The following PRDM13 variants were observed in gnomAD, a reference collection of about 807,000 sequenced individuals.
PRDM13 encodes the protein PR/SET domain 13, also known as PR domain zinc finger protein 13.
Under a neutral mutation model 36.4 loss-of-function variants are expected in PRDM13, and 15 were observed. The ratio of observed to expected loss-of-function variants is 0.41; its 90% CI spans 0.28 to 0.64. PRDM13 has a LOEUF of 0.64. Ranked by LOEUF, PRDM13 falls within the 30% of genes least tolerant of loss-of-function variation. PRDM13 has a pLI of 0.29. For missense variants in PRDM13, 1,044 were observed against 1,013.5 expected (o/e 1.03, Z -0.41); for synonymous variants, 531 against 467.7 (o/e 1.14, Z -1.75).
rs527422659 is a variant in PRDM13, at chr6:99,613,509, C to A, written c.874C>A (p.Arg292Ser). ...CAGCCTGGCTTTCTACCCCGGCGTGCGCTCAGCTTTCAAGCCCGCCGGCCT... is the reference window on the plus strand; with the variant it reads ...CAGCCTGGCTTTCTACCCCGGCGTGAGCTCAGCTTTCAAGCCCGCCGGCCT... Reference protein sequence around the residue: ...VGSLAFYPGVRSAFKPAGLAR... With the variant: ...VGSLAFYPGVSSAFKPAGLAR... The change falls in exon 4 of 4, where the codon CGC (arginine) becomes AGC (serine). Residue 292 changes from arginine to serine, a missense_variant. This residue lies in a region of PRDM13 where 921 missense variants were observed against 865.2 expected (regional missense o/e 1.06). Coordinates refer to ENST00000369215, the MANE Select transcript of PRDM13 (RefSeq NM_021620.4). The surrounding 1 kb of genome is among the most constrained non-coding windows in gnomAD (Gnocchi z 6.1). 2 of 1,513,918 alleles carry A rather than the reference C, an allele frequency of 1.3e-6. No homozygotes were observed. The highest frequency in any genetic ancestry group is 2.5e-5 in the South Asian group (2 of 81,192). The allele number at this position is 1,513,918 out of a possible 1,614,324, so 93.8% of individuals were successfully genotyped here. A position where few individuals can be genotyped will look rare whatever the true frequency, so the allele number is the denominator to read the frequency against.
In PRDM13 at chr6:99,608,870, C is replaced by A; in HGVS notation, c.274C>A (p.Gln92Lys). The A allele has an allele frequency of 6.2e-7, 1 of 1,612,168 alleles. No homozygotes were observed. ...AGCTATTGCAGACTTACCCGGAGGA[C>A]AGGTACTGCGGGCTTCTCTCCACAC... ...LEAIADLPGGQIFYRALRDVQ... is the reference protein window; with the variant it reads ...LEAIADLPGGKIFYRALRDVQ... Residue 92 changes from glutamine (Q) to lysine (K), a missense_variant and splice_region_variant, in exon 2 of 4, where the codon CAG (glutamine) becomes AAG (lysine). Transcript: ENST00000369215.
chr6:99,608,313 T>G (rs1309067845), intron 1 of PRDM13, among the ~76,000 whole-genome samples: 2 of 152,006 alleles, frequency 1.3e-5, no homozygotes, highest in East Asian at 1.9e-4. Context: ...ACAGGAGGCA[T>G]GAGATAATTT....
Position 99,613,235 on chromosome 6 carries a change from C to T in PRDM13, c.600C>T (p.Ala200=), listed in dbSNP as rs772713153. The change falls in exon 4 of 4, where the codon GCC becomes GCT. Residue 200 remains alanine, a synonymous_variant. Coordinates refer to ENST00000369215, the MANE Select transcript of PRDM13 (RefSeq NM_021620.4). The surrounding 1 kb of genome is among the most constrained non-coding windows in gnomAD (Gnocchi z 6.1). The part of the protein sequence containing the change: ...LSPKPPAPDF[A]APSQAGTLRP... ...CAAAACCCCCGGCGCCCGATTTCGC[C>T]GCGCCTTCCCAGGCAGGAACTTTGC... 4.3e-6 allele frequency: 7 copies of T among 1,610,902 alleles called. No homozygotes were observed. The highest frequency in any genetic ancestry group is 1.3e-5 in the African/African-American group (1 of 75,010).
intron 3 of PRDM13, among the ~76,000 whole-genome samples, chr6:99,610,586 A>C (rs1770016502): frequency 6.6e-6 from 1 of 152,256 alleles, no homozygotes; most frequent in Admixed American, 6.5e-5. Flanking sequence ...AATCACTTTA[A>C]AGTATCATCG....
At chr6:99,607,202 C>T in intron 1 of PRDM13, 24 bp downstream of exon 1, 1 of 1,611,088 alleles carries the variant, frequency 6.2e-7, no homozygotes, top group Non-Finnish European at 8.5e-7. Flanking sequence ...AGACCTCTGC[C>T]CACTGCCATT....
Position 99,611,720 on chromosome 6 carries a change from A to G in PRDM13, c.398-1313A>G, listed in dbSNP as rs1269802743. Among the ~76,000 whole-genome samples the G allele has an allele frequency of 2.0e-5, 3 of 152,332 alleles. No homozygotes were observed. The East Asian group carries it at 5.8e-4, about 29-fold the overall frequency. On this transcript the variant is annotated intron_variant, in intron 3 of 3. Coordinates refer to ENST00000369215, the MANE Select transcript of PRDM13 (RefSeq NM_021620.4). ...AATTCTTCCCTATTGTTATTTCTGTAGTAATATTTCAGAAGTTTGAGCTGC... is the reference window on the plus strand; with the variant it reads ...AATTCTTCCCTATTGTTATTTCTGTGGTAATATTTCAGAAGTTTGAGCTGC...
chr6:99,607,372 A>G (rs1453589421), intron 1 of PRDM13, among the ~76,000 whole-genome samples, 194 bp downstream of exon 1: 1 of 152,044 alleles, frequency 6.6e-6, no homozygotes, highest in Non-Finnish European at 1.5e-5. Context: ...TCGGGCTGAG[A>G]GGAGAGGATG....
chr6:99,614,659 A>G lies in PRDM13; in HGVS notation c.2024A>G (p.Glu675Gly). Residue 675 changes from glutamate (E) to glycine (G), a missense_variant, in exon 4 of 4, where the codon GAG becomes GGG. By Grantham distance (98) the Glu-to-Gly change is moderately conservative. Coordinates refer to ENST00000369215, the MANE Select transcript of PRDM13 (RefSeq NM_021620.4). ...GGTGCCGAGCCCGGCTATCCCCCGG[A>G]GCCTGGGGATCCCAAGAGCGACGAC... Reference protein sequence around the residue: ...GPGAEPGYPPEPGDPKSDDSD... With the variant: ...GPGAEPGYPPGPGDPKSDDSD... The G allele has an allele frequency of 6.2e-7, 1 of 1,612,156 alleles. No individual in the cohort carries two copies. The highest frequency in any genetic ancestry group is 1.1e-5 in the South Asian group (1 of 91,010).
chr6:99,612,112 G>A (rs1770039419), intron 3 of PRDM13, among the ~76,000 whole-genome samples: 1 of 152,102 alleles, frequency 6.6e-6, no homozygotes, highest in Non-Finnish European at 1.5e-5. Flanking sequence ...CTTATTAAAA[G>A]CTGAGTATCT....
chr6:99,607,616 C>T (rs73500736), intron 1 of PRDM13, among the ~76,000 whole-genome samples: 200 of 152,222 alleles, frequency 1.3e-3, no homozygotes, highest in African/African-American at 4.8e-3. Context: ...GGCCTAATTT[C>T]GCCTTAAAGT....
Position 99,615,367 on chromosome 6 carries a change from A to G in PRDM13, c.*608A>G, listed in dbSNP as rs330844. The G allele has an allele frequency of 0.85, 130,577 of 152,760 alleles. 56,540 individuals are homozygous for G. The highest frequency in any genetic ancestry group is 0.99 in the East Asian group (5,126 of 5,184). 9.5% of individuals were successfully genotyped at this position (152,760 alleles called of 1,614,324 possible). ...GGTCAAGTTGCAATTATTTATGAGA[A>G]AATAATGATAAATGTAAAATATCTA... On this transcript the variant is annotated 3_prime_UTR_variant, in exon 4 of 4. Transcript: ENST00000369215.
chr6:99,614,764 T>A lies in PRDM13; in HGVS notation c.*5T>A. 6.4e-7 allele frequency: 1 copy of A among 1,559,616 alleles called. No individual in the cohort carries two copies. On this transcript the variant is annotated 3_prime_UTR_variant, in exon 4 of 4. Coordinates refer to ENST00000369215, the MANE Select transcript of PRDM13 (RefSeq NM_021620.4). ...GGCGGGGAGCGCGACTTGTAACGAGTCTTCCCGGGAAGGGGCGGGGTGAGG... is the reference window on the plus strand; with the variant it reads ...GGCGGGGAGCGCGACTTGTAACGAGACTTCCCGGGAAGGGGCGGGGTGAGG...
Position 99,613,292 on chromosome 6 carries a change from G to T in PRDM13, c.657G>T (p.Gln219His). ...ACCCCCTGGGCCCGCCACCAGTTCAGGCCTGCGGTGCGCGGGAGGGCATCA... is the reference window on the plus strand; with the variant it reads ...ACCCCCTGGGCCCGCCACCAGTTCATGCCTGCGGTGCGCGGGAGGGCATCA... ...RPHPLGPPPV[Q>H]ACGAREGIKR... Residue 219 changes from glutamine to histidine, a missense_variant, in exon 4 of 4, where the codon CAG becomes CAT. Gln to His is a conservative substitution (Grantham distance 24, BLOSUM62 0). This residue lies in a region of PRDM13 where 921 missense variants were observed against 865.2 expected (regional missense o/e 1.06). Transcript: ENST00000369215. This position sits in a 1 kb window ranked among gnomAD's most constrained non-coding sequence, Gnocchi z 6.1. 1.3e-6 allele frequency: 2 copies of T among 1,581,384 alleles called. No individual in the cohort carries two copies. Among genetic ancestry groups the T allele is most frequent in the South Asian group, 1.1e-5 (1 of 87,556 alleles).
chr6:99,607,249 G>A, intron 1 of PRDM13, 71 bp downstream of exon 1: 2 of 1,577,942 alleles, frequency 1.3e-6, no homozygotes, highest in Non-Finnish European at 1.7e-6. Flanking sequence ...AGGGGTACGA[G>A]AGAAAGTGGA....
At chr6:99,612,572 T>C (rs748525110) in intron 3 of PRDM13, among the ~76,000 whole-genome samples, 3 of 152,200 alleles carry the variant, frequency 2.0e-5, no homozygotes, top group Non-Finnish European at 2.9e-5. Flanking sequence ...CGCCTGGTAA[T>C]GAGGCGCTCA....
chr6:99,614,635 G>T lies in PRDM13; in HGVS notation c.2000G>T (p.Gly667Val). Residue 667 changes from glycine to valine, a missense_variant, in exon 4 of 4, where the codon GGT becomes GTT. Gly to Val is a moderately radical substitution (Grantham distance 109, BLOSUM62 -3). This residue lies in a region of PRDM13 where 115 missense variants were observed against 122.1 expected (regional missense o/e 0.94). Transcript: ENST00000369215. Reference protein sequence around the residue: ...SLLAKAGDGPGAEPGYPPEPG... With the variant: ...SLLAKAGDGPVAEPGYPPEPG... Reference sequence around the variant, plus strand: ...CTCGCCAAAGCGGGCGACGGCCCGGGTGCCGAGCCCGGCTATCCCCCGGAG... The same window carrying T: ...CTCGCCAAAGCGGGCGACGGCCCGGTTGCCGAGCCCGGCTATCCCCCGGAG... The T allele has an allele frequency of 1.9e-6, 3 of 1,612,470 alleles. No individual in the cohort carries two copies. The highest frequency in any genetic ancestry group is 2.5e-6 in the Non-Finnish European group (3 of 1,179,828).
chr6:99,610,698 T>C (rs993299619), intron 3 of PRDM13, among the ~76,000 whole-genome samples: 1 of 152,250 alleles, frequency 6.6e-6, no homozygotes, highest in African/African-American at 2.4e-5. Context: ...TCTTGTCAAC[T>C]TCTTCCAGTA....
chr6:99,607,068 G>T lies in PRDM13; in HGVS notation c.34G>T (p.Val12Leu). ...AGCCGCCAGAGCGCCAGCCACCAGCGTGAGTGCCGACTGCTGCATCCCGGC... is the reference window on the plus strand; with the variant it reads ...AGCCGCCAGAGCGCCAGCCACCAGCTTGAGTGCCGACTGCTGCATCCCGGC... ...HGAARAPATS[V>L]SADCCIPAGL... is the part of the protein sequence containing the mutation. The change falls in exon 1 of 4, where the codon GTG (valine) becomes TTG (leucine). Residue 12 changes from valine to leucine, a missense_variant. Physicochemically the swap from Val to Leu is conservative, Grantham distance 32. Coordinates refer to ENST00000369215, the MANE Select transcript of PRDM13 (RefSeq NM_021620.4). 13 of 1,612,894 alleles carry T rather than the reference G, an allele frequency of 8.1e-6. No individual in the cohort carries two copies. The highest frequency in any genetic ancestry group is 1.1e-5 in the Non-Finnish European group (13 of 1,179,674).
chr6:99,614,847 G>C lies in PRDM13; in HGVS notation c.*88G>C, dbSNP rs527583924. On this transcript the variant is annotated 3_prime_UTR_variant, in exon 4 of 4. Transcript: ENST00000369215. ...AGAGGAACTCCTGGTGGTGGGAAGA[G>C]GGACCCAATGGACAAAACCGTTTTT... The C allele has an allele frequency of 5.4e-6, 8 of 1,477,540 alleles. No homozygotes were observed. Among genetic ancestry groups the C allele is most frequent in the Admixed American group, 2.3e-5 (1 of 42,900 alleles). The allele number at this position is 1,477,540 out of a possible 1,614,324, so 91.5% of individuals were successfully genotyped here.
Sources: allele counts gnomAD v4.1 joint callset (sites outside exome capture counted in the v4.1 genomes callset), GRCh38; gene constraint gnomAD v4.1.1; regional missense constraint gnomAD v4.1.1; non-coding constraint Gnocchi (gnomAD v3.1); transcripts MANE v1.5; gene names NCBI Gene and HGNC (gene_info 2026-07-23, HGNC 2026-07-21).